Variants in PRIM2 observed in about 807,000 individuals in gnomAD.
The protein encoded by PRIM2 is DNA primase large subunit.
PRIM2 carries 39 observed loss-of-function variants against 67.3 expected under a neutral mutation model. The observed-to-expected ratio is 0.58, with a 90% CI of 0.45 to 0.76. PRIM2 has a LOEUF of 0.76. Ranked by LOEUF, PRIM2 falls within the 30% of genes least tolerant of loss-of-function variation. PRIM2 has a pLI of 0.00. For synonymous variants in PRIM2, 143 were observed against 198.7 expected (o/e 0.72, Z 2.36); for missense variants, 398 against 598.7 (o/e 0.66, Z 3.50).
At chr6:57,481,586 T>G (rs1327048086) in intron 7 of PRIM2, among the ~76,000 whole-genome samples, 4 of 143,514 alleles carry the variant, frequency 2.8e-5, no homozygotes, top group Non-Finnish European at 4.5e-5. Context: ...GGTTTTTGGG[T>G]TTTTTTTTTT....
At chr6:57,577,200 T>C (rs1470118706) in intron 10 of PRIM2, among the ~76,000 whole-genome samples, 2 of 152,206 alleles carry the variant, frequency 1.3e-5, no homozygotes, top group Non-Finnish European at 2.9e-5. Context: ...GGTACAGGCC[T>C]GTGCAGATCC....
intron 7 of PRIM2, among the ~76,000 whole-genome samples, chr6:57,458,108 A>C (rs1772867443): frequency 6.6e-6 from 1 of 152,236 alleles, no homozygotes; most frequent in South Asian, 2.1e-4. Context: ...AAGCTAACTT[A>C]TGTTGAAATA....
intron 7 of PRIM2, among the ~76,000 whole-genome samples, chr6:57,480,032 G>A (rs1247600208): frequency 4.6e-5 from 7 of 152,322 alleles, no homozygotes; most frequent in Non-Finnish European, 8.8e-5. Context: ...ATCAAGAGAT[G>A]GGGATGGAGT....
At chr6:57,421,619 A>T (rs916875784) in intron 7 of PRIM2, among the ~76,000 whole-genome samples, 12 of 152,080 alleles carry the variant, frequency 7.9e-5, no homozygotes, top group Admixed American at 6.6e-4. Flanking sequence ...TAACAGTTTG[A>T]CCTTGCTTTA....
chr6:57,316,390 C>T (rs921010833), upstream of PRIM2, among the ~76,000 whole-genome samples: 28 of 152,052 alleles, frequency 1.8e-4, no homozygotes, highest in Non-Finnish European at 3.4e-4. Context: ...CCAGCCTGGG[C>T]GACAGAACAA....
At chr6:57,403,012 A>G (rs1476397193) in intron 7 of PRIM2, among the ~76,000 whole-genome samples, 1 of 152,118 alleles carries the variant, frequency 6.6e-6, no homozygotes, top group Non-Finnish European at 1.5e-5. Context: ...TATGTACAGA[A>G]AAATTACACA....
chr6:57,326,116 T>TACTAATGTACCTAC, intron 5 of PRIM2, 71 bp downstream of exon 5: 1 of 1,543,932 alleles, frequency 6.5e-7, no homozygotes, highest in South Asian at 1.2e-5. Flanking sequence ...TAAGTGCTGG[T>TACTAATGTACCTAC]ACTAATGTGT....
intron 7 of PRIM2, among the ~76,000 whole-genome samples, chr6:57,463,880 C>T (rs1773094798): frequency 6.6e-6 from 1 of 152,164 alleles, no homozygotes; most frequent in East Asian, 1.9e-4. Flanking sequence ...GTTTGGAAGT[C>T]TTTTTATGAT....
chr6:57,302,747 TG>T, the PRIM2 span, among the ~76,000 whole-genome samples: 1 of 152,164 alleles, frequency 6.6e-6, no homozygotes, highest in Non-Finnish European at 1.5e-5. Context: ...CAGTGCATTC[TG>T]GAAAGAACTC....
intron 5 of PRIM2, among the ~76,000 whole-genome samples, chr6:57,348,594 A>G (rs1288379908): frequency 6.6e-6 from 1 of 151,964 alleles, no homozygotes; most frequent in Non-Finnish European, 1.5e-5. Flanking sequence ...CCCCTGCTGG[A>G]TATTTTGGCC....
intron 7 of PRIM2, among the ~76,000 whole-genome samples, chr6:57,478,425 C>T (rs1341917209): frequency 2.6e-5 from 4 of 151,138 alleles, no homozygotes; most frequent in Middle Eastern, 3.4e-3. Context: ...ACTGCAGCCT[C>T]GAACTCCTGT....
In PRIM2 at chr6:57,379,890, T is replaced by A; in HGVS notation, c.460-11T>A. 6.5e-7 allele frequency: 1 copy of A among 1,534,784 alleles called. No homozygotes were observed. The highest frequency in any genetic ancestry group is 8.8e-7 in the Non-Finnish European group (1 of 1,142,038). On this transcript the variant is annotated splice_polypyrimidine_tract_variant and intron_variant, in intron 5 of 13. Transcript: ENST00000615550. ...CAAATTTTTGTAACAGCTTAAAATA[T>A]GTTTTTTTAGATAAGTGATGAAGAG...
chr6:57,290,901 A>G, the PRIM2 span, among the ~76,000 whole-genome samples: 2 of 152,208 alleles, frequency 1.3e-5, no homozygotes, highest in African/African-American at 4.8e-5. Flanking sequence ...GAAAGCAGGA[A>G]AGATCTAAAA....
At chr6:57,518,392 A>T (rs1231558276) in intron 8 of PRIM2, among the ~76,000 whole-genome samples, 3 of 152,204 alleles carry the variant, frequency 2.0e-5, no homozygotes, top group Non-Finnish European at 4.4e-5. Flanking sequence ...TCTCAGCAAC[A>T]TCACTAGTTG....
intron 7 of PRIM2, among the ~76,000 whole-genome samples, chr6:57,457,124 T>C (rs1450830445): frequency 2.5e-5 from 3 of 121,916 alleles, no homozygotes; most frequent in African/African-American, 9.7e-5. Flanking sequence ...GCAGCAAATG[T>C]TCCTGCCTGA....
rs532478178 is a variant in PRIM2 at position 57,329,898 on chromosome 6, T to C, written c.459+3853T>C. 6.6e-4 allele frequency among the ~76,000 whole-genome samples: 101 copies of C among 152,354 alleles called. 1 individual carries two copies. In the Middle Eastern group the frequency reaches 0.02, roughly 31 times the overall value. ...GTCAGTAGTATGTGGTCTTGATTATTGGTTACTGTGGCTTTATTGTTAAGA... is the reference window on the plus strand; with the variant it reads ...GTCAGTAGTATGTGGTCTTGATTATCGGTTACTGTGGCTTTATTGTTAAGA... On this transcript the variant is annotated intron_variant, in intron 5 of 13. Coordinates refer to ENST00000615550, the MANE Select transcript of PRIM2 (RefSeq NM_000947.5).
chr6:57,248,894 A>G, the PRIM2 span, among the ~76,000 whole-genome samples: 1 of 152,258 alleles, frequency 6.6e-6, no homozygotes, highest in East Asian at 1.9e-4. Context: ...ACAGTGAGTT[A>G]GTGATTTCCG....
At chr6:57,289,549 C>A in the PRIM2 span, among the ~76,000 whole-genome samples, 2 of 152,112 alleles carry the variant, frequency 1.3e-5, no homozygotes, top group East Asian at 3.9e-4. Flanking sequence ...TAAGGGCAGC[C>A]AGAGAGAAAG....
At chr6:57,288,311 C>T in the PRIM2 span, among the ~76,000 whole-genome samples, 1 of 152,148 alleles carries the variant, frequency 6.6e-6, no homozygotes, top group South Asian at 2.1e-4. Flanking sequence ...TGGGTGGAGC[C>T]CACTGCAGCT....
Sources: gnomAD v4.1 joint callset for allele counts (sites outside exome capture counted in the v4.1 genomes callset) on GRCh38, gnomAD v4.1.1 for gene constraint, MANE v1.5 for transcripts, NCBI Gene and HGNC (gene_info 2026-07-23, HGNC 2026-07-21) for gene names.